Variants in AEBP2 observed in about 807,000 individuals in gnomAD.
AEBP2 encodes zinc finger protein AEBP2.
A neutral mutation model predicts 50.8 loss-of-function variants in AEBP2; 10 were observed. The observed-to-expected ratio is 0.20, with a 90% CI of 0.12 to 0.33. AEBP2 has a LOEUF of 0.33. Ranked by LOEUF, AEBP2 falls within the 10% of genes least tolerant of loss-of-function variation. The pLI, the probability that AEBP2 is intolerant of heterozygous loss-of-function variation, is 1.00. For missense variants in AEBP2, 570 were observed against 688.0 expected (o/e 0.83, Z 1.92); for synonymous variants, 296 against 261.3 (o/e 1.13, Z -1.28).
intron 3 of AEBP2, among the ~76,000 whole-genome samples, chr12:19,474,718 A>G (rs1000500137): frequency 2.0e-5 from 3 of 152,094 alleles, no homozygotes; most frequent in Admixed American, 6.6e-5. Context: ...TTGTTTTTCT[A>G]TATACCAAGT....
chr12:19,409,813 A>G (rs1383188000), intron 1 of AEBP2, among the ~76,000 whole-genome samples: 4 of 152,194 alleles, frequency 2.6e-5, no homozygotes, highest in African/African-American at 7.2e-5. Context: ...TAGAAAGTCA[A>G]TTTAGTAAGT....
At chr12:19,424,472 C>T (rs1475954444) in intron 1 of AEBP2, among the ~76,000 whole-genome samples, 5 of 151,952 alleles carry the variant, frequency 3.3e-5, no homozygotes, top group African/African-American at 9.7e-5. Flanking sequence ...TCTCGGCTCA[C>T]TGCAAGCTCT....
intron 1 of AEBP2, among the ~76,000 whole-genome samples, chr12:19,442,870 A>G (rs1171624879): frequency 6.6e-6 from 1 of 152,188 alleles, no homozygotes; most frequent in African/African-American, 2.4e-5. Flanking sequence ...ACTGTAGATT[A>G]CATCAATCTG....
At chr12:19,421,478 T>C (rs1277502218) in intron 1 of AEBP2, among the ~76,000 whole-genome samples, 1 of 151,850 alleles carries the variant, frequency 6.6e-6, no homozygotes, top group Non-Finnish European at 1.5e-5. Flanking sequence ...AAAAATTAGC[T>C]GGGCATTGTG....
chr12:19,412,225 G>A (rs1280681360), intron 1 of AEBP2, among the ~76,000 whole-genome samples: 2 of 152,166 alleles, frequency 1.3e-5, no homozygotes, highest in South Asian at 2.1e-4. Flanking sequence ...GAACACTAGA[G>A]CTGATGTGAA....
At chr12:19,482,645 A>G (rs1192367333) in intron 3 of AEBP2, among the ~76,000 whole-genome samples, 1 of 152,024 alleles carries the variant, frequency 6.6e-6, no homozygotes, top group Non-Finnish European at 1.5e-5. Flanking sequence ...TTCTGGCGAG[A>G]TGGGTGGGGC....
chr12:19,474,705 T>C (rs1044962875), intron 3 of AEBP2, among the ~76,000 whole-genome samples: 1 of 152,114 alleles, frequency 6.6e-6, no homozygotes, highest in African/African-American at 2.4e-5. Context: ...TTTTTCTATA[T>C]ACTTGTTTTT....
chr12:19,439,679 G>GGAA lies in AEBP2; in HGVS notation c.-19_-18insAGA, dbSNP rs1296581494. Reference sequence around the variant, plus strand: ...GAGGCGGCGGTGGGGAGGAGGAGGAGGAGGAGGAGCAGGCGCCGCCATGGC... The same window carrying GGAA: ...GAGGCGGCGGTGGGGAGGAGGAGGAGGAAGAGGAGGAGCAGGCGCCGCCATGGC... On this transcript the variant is annotated 5_prime_UTR_variant, in exon 1 of 8. Coordinates refer to ENST00000266508, the MANE Select transcript of AEBP2 (RefSeq NM_153207.5). The GGAA allele has an allele frequency of 5.9e-6, 9 of 1,516,214 alleles. No individual in the cohort carries two copies. The highest frequency in any genetic ancestry group is 1.2e-5 in the South Asian group (1 of 83,086). The allele number at this position is 1,516,214 out of a possible 1,614,324, so 93.9% of individuals were successfully genotyped here. A position where few individuals can be genotyped will look rare whatever the true frequency, so the allele number is the denominator to read the frequency against.
At chr12:19,437,339 ATT>A (rs1947869455), upstream of AEBP2, among the ~76,000 whole-genome samples, 1 of 152,120 alleles carries the variant, frequency 6.6e-6, no homozygotes, top group African/African-American at 2.4e-5. Context: ...CATTAAATTA[ATT>A]TGTTACACTT....
intron 5 of AEBP2, among the ~76,000 whole-genome samples, chr12:19,507,952 A>G (rs975628790): frequency 6.6e-6 from 1 of 152,232 alleles, no homozygotes; most frequent in African/African-American, 2.4e-5. Flanking sequence ...ATGAGGTACT[A>G]TACTGTTTGG....
At chr12:19,475,515 C>T (rs1453361485) in intron 3 of AEBP2, among the ~76,000 whole-genome samples, 1 of 152,042 alleles carries the variant, frequency 6.6e-6, no homozygotes, top group East Asian at 1.9e-4. Context: ...TTGAAGGGCA[C>T]ACTTGTGTGT....
chr12:19,507,143 A>G (rs1205697928), intron 5 of AEBP2, among the ~76,000 whole-genome samples: 1 of 152,174 alleles, frequency 6.6e-6, no homozygotes, highest in Non-Finnish European at 1.5e-5. Context: ...GAGATTACCT[A>G]GGAAATAAGT....
intron 1 of AEBP2, among the ~76,000 whole-genome samples, chr12:19,428,975 C>T (rs2095750017): frequency 6.6e-6 from 1 of 151,940 alleles, no homozygotes; most frequent in Non-Finnish European, 1.5e-5. Context: ...CCCATCTCTA[C>T]AATTTTTTTT....
chr12:19,433,485 G>C (rs2095752485), intron 1 of AEBP2, among the ~76,000 whole-genome samples: 1 of 151,834 alleles, frequency 6.6e-6, no homozygotes, highest in Non-Finnish European at 1.5e-5. Flanking sequence ...GACATAGAAA[G>C]TATAAACTCT....
intron 3 of AEBP2, among the ~76,000 whole-genome samples, 156 bp downstream of exon 3, chr12:19,473,511 T>C (rs1948602531): frequency 6.6e-6 from 1 of 152,122 alleles, no homozygotes; most frequent in African/African-American, 2.4e-5. Flanking sequence ...GTTCAATTGA[T>C]TTTCCTGCCT....
At chr12:19,469,485 A>G (rs1382502201) in intron 2 of AEBP2, among the ~76,000 whole-genome samples, 4 of 152,182 alleles carry the variant, frequency 2.6e-5, no homozygotes, top group African/African-American at 9.7e-5. Flanking sequence ...TGCAAAGTGA[A>G]AGAACTGGAT....
intron 1 of AEBP2, among the ~76,000 whole-genome samples, chr12:19,421,205 G>C (rs549367025): frequency 2.0e-5 from 3 of 151,702 alleles, no homozygotes; most frequent in Non-Finnish European, 2.9e-5. Context: ...TTAGCTGGGC[G>C]TAGTGCTGGA....
intron 3 of AEBP2, among the ~76,000 whole-genome samples, chr12:19,487,589 G>A (rs1381343769): frequency 6.6e-6 from 1 of 152,090 alleles, no homozygotes; most frequent in African/African-American, 2.4e-5. Flanking sequence ...GTGGTGGCAT[G>A]CACCTGTAAT....
At chr12:19,457,774 A>C (rs1948296983) in intron 1 of AEBP2, 3 of 430,332 alleles carry the variant, frequency 7.0e-6, no homozygotes, top group Non-Finnish European at 1.1e-5. Context: ...AGCAGCATCA[A>C]GCGGGCACTT....
Sources: gnomAD v4.1 joint callset for allele counts (sites outside exome capture counted in the v4.1 genomes callset) on GRCh38, gnomAD v4.1.1 for gene constraint, MANE v1.5 for transcripts, NCBI Gene and HGNC (gene_info 2026-07-23, HGNC 2026-07-21) for gene names.